Variants in SRGAP3 observed in about 807,000 individuals in gnomAD.
The protein encoded by SRGAP3 is SLIT-ROBO Rho GTPase-activating protein 3.
Under a neutral mutation model 121.1 loss-of-function variants are expected in SRGAP3, and 39 were observed. The ratio of observed to expected loss-of-function variants is 0.32; its 90% CI spans 0.25 to 0.42. The LOEUF (loss-of-function observed/expected upper bound fraction) is 0.42. SRGAP3 is among the 10% of genes least tolerant of loss of function. The pLI, the probability that SRGAP3 is intolerant of heterozygous loss-of-function variation, is 1.00. For synonymous variants in SRGAP3, 601 were observed against 570.0 expected, an observed-to-expected ratio of 1.05 and a Z score of -0.77; for missense variants, 1,213 against 1,470.6, an observed-to-expected ratio of 0.82 and a Z score of 2.86.
chr3:9,183,208 A>G (rs1300434094), intron 1 of SRGAP3, among the ~76,000 whole-genome samples: 1 of 152,212 alleles, frequency 6.6e-6, no homozygotes, highest in African/African-American at 2.4e-5. Context: ...CTGATGCCAC[A>G]TTGTTTTAAA....
At chr3:9,082,110 G>A (rs1240220445) in intron 3 of SRGAP3, among the ~76,000 whole-genome samples, 1 of 152,162 alleles carries the variant, frequency 6.6e-6, no homozygotes, top group Non-Finnish European at 1.5e-5. Flanking sequence ...GGTGTATTCT[G>A]AAGTGTGTGG....
chr3:9,130,672 T>A (rs978386473), intron 1 of SRGAP3, among the ~76,000 whole-genome samples: 2 of 152,210 alleles, frequency 1.3e-5, no homozygotes, highest in African/African-American at 4.8e-5. Flanking sequence ...ATCCTTGTTT[T>A]CCATATTAAA....
intron 2 of SRGAP3, among the ~76,000 whole-genome samples, chr3:9,120,061 T>C (rs1172861101): frequency 2.0e-5 from 3 of 152,270 alleles, no homozygotes; most frequent in Non-Finnish European, 4.4e-5. Flanking sequence ...ATTTCCATCA[T>C]AGCAATCATT....
intron 1 of SRGAP3, among the ~76,000 whole-genome samples, chr3:9,333,630 T>G (rs1955644298): frequency 6.6e-6 from 1 of 152,180 alleles, no homozygotes; most frequent in Non-Finnish European, 1.5e-5. Flanking sequence ...TACCTAGCAA[T>G]TTCCCATGTC....
intron 10 of SRGAP3, among the ~76,000 whole-genome samples, chr3:9,039,584 G>A (rs900431489): frequency 6.6e-6 from 1 of 152,148 alleles, no homozygotes; most frequent in Non-Finnish European, 1.5e-5. Flanking sequence ...CCAGAATTCA[G>A]TTTGAAAATA....
At position 8,985,640 on chromosome 3, in the gene SRGAP3, A is replaced by C; in HGVS notation, c.3179T>G (p.Val1060Gly). ...AQLRPPPMRPVRPVVQHRSSS... is the reference protein window; with the variant it reads ...AQLRPPPMRPGRPVVQHRSSS... The stretch of plus-strand genomic sequence containing the variant: ...GGACCGGTGCTGGACCACCGGCCGC[A>C]CGGGCCGCATGGGGGGCGGGCGGAG... The change falls in exon 22 of 22, where the codon GTG becomes GGG. Residue 1060 changes from valine to glycine, a missense_variant. Val to Gly is a moderately radical substitution (Grantham distance 109). This residue lies in a region of SRGAP3 where 420 missense variants were observed against 437.7 expected (regional missense o/e 0.96). Transcript: ENST00000383836. The surrounding 1 kb of genome is among the most constrained non-coding windows in gnomAD (Gnocchi z 5.1). 1 of 1,594,518 alleles carries C rather than the reference A, an allele frequency of 6.3e-7. No homozygotes were observed. The highest frequency in any genetic ancestry group is 1.3e-5 in the African/African-American group (1 of 74,574).
At chr3:9,020,825 C>T (rs1943878991) in intron 14 of SRGAP3, among the ~76,000 whole-genome samples, 1 of 152,170 alleles carries the variant, frequency 6.6e-6, no homozygotes, top group African/African-American at 2.4e-5. Context: ...AGCTAAAATT[C>T]CAGGCAAATC....
intron 1 of SRGAP3, chr3:9,349,736 T>A (rs35405132): frequency 0.084 from 12,803 of 152,448 alleles, 690 homozygotes; most frequent in Admixed American, 0.16. Flanking sequence ...TATATATAAA[T>A]AATACAAAAC....
At chr3:9,009,214 C>T (rs1298368061) in intron 18 of SRGAP3, among the ~76,000 whole-genome samples, 1 of 152,192 alleles carries the variant, frequency 6.6e-6, no homozygotes, top group Admixed American at 6.5e-5. Context: ...GTCTCTTTTA[C>T]CAGTTCCCAG....
intron 18 of SRGAP3, among the ~76,000 whole-genome samples, chr3:9,004,229 G>A (rs186469357): frequency 1.1e-4 from 16 of 152,200 alleles, no homozygotes; most frequent in Non-Finnish European, 2.4e-4. Flanking sequence ...GCACTCTGTA[G>A]TTGCCACTCT....
chr3:9,174,535 C>A (rs555269822), intron 1 of SRGAP3, among the ~76,000 whole-genome samples: 28 of 152,338 alleles, frequency 1.8e-4, no homozygotes, highest in African/African-American at 6.3e-4. Flanking sequence ...ACCACCACTA[C>A]TTAGTAAGCA....
Position 9,265,613 on chromosome 3 carries a change from G to GAA in SRGAP3, n.442+60395_442+60396dup, listed in dbSNP as rs533497535. Among the ~76,000 whole-genome samples the GAA allele has an allele frequency of 2.0e-5, 3 of 148,116 alleles. No individual in the cohort carries two copies. The South Asian group carries it at 6.4e-4, about 32-fold the overall frequency. The stretch of plus-strand genomic sequence containing the variant: ...ACATTTATGCGGCCTACAAACATAT[G>GAA]AAAAAAAAAACTCATCATCACTGGT... On this transcript the variant is annotated intron_variant and non_coding_transcript_variant, in intron 3 of 3. Transcript: ENST00000490889.
In SRGAP3 at chr3:9,268,183, G is replaced by A. The variant is rs527905448; in HGVS notation, n.442+57827C>T. 5.2e-4 allele frequency among the ~76,000 whole-genome samples: 79 copies of A among 152,292 alleles called. 1 individual carries two copies. The highest frequency in any genetic ancestry group is 1.8e-3 in the African/African-American group (75 of 41,552). ...ACATGTTGAAGCCATAACCCCCAAT[G>A]TGATGGTATTTGGAGATAGGGCCTC... On this transcript the variant is annotated intron_variant and non_coding_transcript_variant, in intron 3 of 3. Coordinates refer to the SRGAP3 transcript ENST00000490889.
intron 1 of SRGAP3, among the ~76,000 whole-genome samples, chr3:9,170,400 G>A (rs113191569): frequency 5.5e-4 from 83 of 152,280 alleles, no homozygotes; most frequent in African/African-American, 1.7e-3. Flanking sequence ...GTAGTAGTGC[G>A]GGGAGCAGCG....
intron 1 of SRGAP3, among the ~76,000 whole-genome samples, chr3:9,200,212 T>C (rs1387100821): frequency 6.6e-6 from 1 of 152,238 alleles, no homozygotes; most frequent in Non-Finnish European, 1.5e-5. Context: ...ATGTCACCAA[T>C]ATACTTTGTT....
rs370248693 is a variant in SRGAP3, at chr3:9,167,415, A to G, written c.68-42498T>C. Among the ~76,000 whole-genome samples, 3 of 152,210 alleles carry G rather than the reference A, an allele frequency of 2.0e-5. No homozygotes were observed. In the South Asian group the frequency reaches 6.2e-4, roughly 32 times the overall value. ...ATTTGCTGCTTCCCAGGAGTCATTT[A>G]TCTTCCTCTTCTCTACCTATGTTCC... On this transcript the variant is annotated intron_variant, in intron 1 of 21. Coordinates refer to ENST00000383836, the MANE Select transcript of SRGAP3 (RefSeq NM_014850.4).
At chr3:9,157,173 C>T (rs965091840) in intron 1 of SRGAP3, among the ~76,000 whole-genome samples, 1 of 152,098 alleles carries the variant, frequency 6.6e-6, no homozygotes, top group African/African-American at 2.4e-5. Flanking sequence ...ATACAGGAGG[C>T]GTGACTGGGA....
At chr3:9,114,146 A>G (rs1948724447) in intron 2 of SRGAP3, among the ~76,000 whole-genome samples, 2 of 152,178 alleles carry the variant, frequency 1.3e-5, no homozygotes, top group South Asian at 2.1e-4. Context: ...TCAAATGCCA[A>G]TTCTGTCCCT....
rs759764421 is a variant in SRGAP3 at position 9,159,317 on chromosome 3, G to A, written c.68-34400C>T. Among the ~76,000 whole-genome samples, 65 of 152,182 alleles carry A rather than the reference G, an allele frequency of 4.3e-4. 1 individual carries two copies. Among genetic ancestry groups the A allele is most frequent in the Non-Finnish European group, 1.6e-4 (11 of 68,018 alleles). On this transcript the variant is annotated intron_variant, in intron 1 of 21. Coordinates refer to ENST00000383836, the MANE Select transcript of SRGAP3 (RefSeq NM_014850.4). ...TTTCACATCTGCTGACTGTCCTGAC[G>A]GGACCTGCCTTCTGGGGCCAATGCT...
Sources: allele counts gnomAD v4.1 joint callset (sites outside exome capture counted in the v4.1 genomes callset), GRCh38; gene constraint gnomAD v4.1.1; regional missense constraint gnomAD v4.1.1; non-coding constraint Gnocchi (gnomAD v3.1); transcripts MANE v1.5; gene names NCBI Gene and HGNC (gene_info 2026-07-23, HGNC 2026-07-21).